Variants in KCNC4 observed in about 807,000 individuals in gnomAD.
KCNC4 encodes voltage-gated potassium channel KCNC4.
In KCNC4, 23 loss-of-function variants were observed where a neutral mutation model predicts 42.8. That is an observed-to-expected ratio of 0.54 (90% CI 0.39 to 0.76). KCNC4 has a LOEUF of 0.76. Among genes scored for constraint, KCNC4 ranks in the 30% least tolerant of loss-of-function variants. KCNC4 has a pLI of 0.00. For synonymous variants in KCNC4, 422 were observed against 393.5 expected (o/e 1.07, Z -0.86); for missense variants, 751 against 898.2 (o/e 0.84, Z 2.10).
chr1:110,274,429 C>T (rs1310703428), intron 1 of KCNC4, among the ~76,000 whole-genome samples: 1 of 152,096 alleles, frequency 6.6e-6, no homozygotes, highest in Admixed American at 6.5e-5. Flanking sequence ...TTAAAATGAC[C>T]ATACTGCCCA....
intron 1 of KCNC4, chr1:110,220,144 A>G (rs1658013543): frequency 6.6e-6 from 1 of 152,208 alleles, no homozygotes. Flanking sequence ...TCCTGAGCAA[A>G]TCATCTGCCC....
At chr1:110,229,783 G>A (rs1158641375) in intron 3 of KCNC4, among the ~76,000 whole-genome samples, 2 of 152,158 alleles carry the variant, frequency 1.3e-5, no homozygotes, top group Non-Finnish European at 2.9e-5. Flanking sequence ...TGCCGCTCCC[G>A]GGAAGGGGGC....
Position 110,233,024 on chromosome 1 carries a change from A to G in KCNC4, c.*52A>G. On this transcript the variant is annotated 3_prime_UTR_variant, in exon 4 of 4. Coordinates refer to ENST00000438661, the MANE Select transcript of KCNC4 (RefSeq NM_001039574.3). ...CAGACAGACAGAAAGCCAGAGGCTT[A>G]GGGAAACTCTGGAACCCAGACAAGA... 1 of 1,581,350 alleles carries G rather than the reference A, an allele frequency of 6.3e-7. No homozygotes were observed. The highest frequency in any genetic ancestry group is 8.6e-7 in the Non-Finnish European group (1 of 1,161,584).
intron 3 of KCNC4, among the ~76,000 whole-genome samples, chr1:110,227,664 C>T (rs567801201): frequency 6.6e-6 from 1 of 152,354 alleles, no homozygotes; most frequent in South Asian, 2.1e-4. Flanking sequence ...CTTGCTCTGG[C>T]TGGACCGTGC....
rs373625892 is a variant in KCNC4, at chr1:110,223,325, G to A, written c.1040G>A (p.Arg347His). 37 of 1,613,870 alleles carry A rather than the reference G, an allele frequency of 2.3e-5. No individual in the cohort carries two copies. Among genetic ancestry groups the A allele is most frequent in the Middle Eastern group, 1.6e-4 (1 of 6,084 alleles). Residue 347 changes from arginine to histidine, a missense_variant, in exon 2 of 4, where the codon CGC becomes CAC. By Grantham distance (29) the Arg-to-His change is conservative. Transcript: ENST00000438661. The surrounding 1 kb of genome is among the most constrained non-coding windows in gnomAD (Gnocchi z 7.5). Reference sequence around the variant, plus strand: ...GCCCGCGACGTGCTGGGCTTCCTGCGCGTGGTGCGCTTCGTGCGCATCCTG... The same window carrying A: ...GCCCGCGACGTGCTGGGCTTCCTGCACGTGGTGCGCTTCGTGCGCATCCTG... ...KAARDVLGFLRVVRFVRILRI... is the reference protein window; with the variant it reads ...KAARDVLGFLHVVRFVRILRI...
chr1:110,269,047 G>T (rs1473548461), intron 1 of KCNC4, among the ~76,000 whole-genome samples: 1 of 152,132 alleles, frequency 6.6e-6, no homozygotes, highest in Non-Finnish European at 1.5e-5. Context: ...TTTCTTTGCT[G>T]CAACAACCTG....
intron 1 of KCNC4, among the ~76,000 whole-genome samples, chr1:110,215,458 C>T (rs192916510): frequency 1.3e-5 from 2 of 152,312 alleles, no homozygotes; most frequent in African/African-American, 2.4e-5. Context: ...AGACAAGAGG[C>T]CTGGAGAATG....
intron 1 of KCNC4, among the ~76,000 whole-genome samples, chr1:110,280,584 C>A (rs1398250393): frequency 2.6e-5 from 4 of 152,074 alleles, no homozygotes; most frequent in African/African-American, 7.2e-5. Flanking sequence ...GCCCACAATC[C>A]CCTAATCTCC....
chr1:110,254,030 A>G (rs553551686), downstream of KCNC4, among the ~76,000 whole-genome samples: 281 of 149,254 alleles, frequency 1.9e-3, 1 homozygote, highest in African/African-American at 6.6e-3. Flanking sequence ...AGGAAGGGGA[A>G]GGAAAACCCT....
Position 110,211,511 on chromosome 1 carries a change from GGT to G in KCNC4, c.19_20del (p.Val7LeufsTer41), listed in dbSNP as rs781774815. On this transcript the variant is annotated frameshift_variant, in exon 1 of 4. Coordinates refer to ENST00000438661, the MANE Select transcript of KCNC4 (RefSeq NM_001039574.3). LOFTEE classifies it high-confidence loss of function. The surrounding 1 kb of genome is among the most constrained non-coding windows in gnomAD (Gnocchi z 6.5). Reference protein sequence around the residue: MISSVCVSSYRGRKS... With the variant: MISSXCVSSYRGRKS... ...CCGCAGCGCTTCTTATGATCAGCTC[GGT>G]GTGTGTCTCCTCCTACCGCGGGCGC... 1 of 1,613,676 alleles carries G rather than the reference GGT, an allele frequency of 6.2e-7. No individual in the cohort carries two copies. The highest frequency in any genetic ancestry group is 8.5e-7 in the Non-Finnish European group (1 of 1,179,836).
chr1:110,232,752 A>G, intron 3 of KCNC4, 159 bp from the exon 4 acceptor site: 5 of 1,534,348 alleles, frequency 3.3e-6, no homozygotes, highest in East Asian at 2.4e-5. Flanking sequence ...TCTACTCCTT[A>G]GCCCACACCC....
downstream of KCNC4, among the ~76,000 whole-genome samples, chr1:110,249,276 C>T (rs1400618295): frequency 6.6e-6 from 1 of 152,216 alleles, no homozygotes; most frequent in Admixed American, 6.5e-5. Context: ...TTCGGTCCTG[C>T]ATCCTGGCAG....
At chr1:110,276,299 C>CAA (rs3062031) in intron 1 of KCNC4, among the ~76,000 whole-genome samples, 129 of 98,860 alleles carry the variant, frequency 1.3e-3, no homozygotes, top group East Asian at 2.7e-3. Context: ...TCAATTTATA[C>CAA]AAAAAAAAAA....
rs886896697 is a variant in KCNC4, at chr1:110,212,108, G to T, written c.609G>T (p.Gly203=). Residue 203 remains glycine, a synonymous_variant, in exon 1 of 4, where the codon GGG becomes GGT. Coordinates refer to ENST00000438661, the MANE Select transcript of KCNC4 (RefSeq NM_001039574.3). ...GCGCGGGCCATGGCGCCGGGTCTGGGGGCTGCCGCGGCTGGCAGCCCCGCA... is the reference window on the plus strand; with the variant it reads ...GCGCGGGCCATGGCGCCGGGTCTGGTGGCTGCCGCGGCTGGCAGCCCCGCA... ...EGGAGHGAGS[G]GCRGWQPRMW... The T allele has an allele frequency of 6.6e-7, 1 of 1,505,332 alleles. No individual in the cohort carries two copies. The highest frequency in any genetic ancestry group is 2.6e-5 in the East Asian group (1 of 38,382). 93.2% of individuals were successfully genotyped at this position (1,505,332 alleles called of 1,614,324 possible). A position where few individuals can be genotyped will look rare whatever the true frequency, so the allele number is the denominator to read the frequency against.
At chr1:110,253,077 C>T (rs756711662), downstream of KCNC4, among the ~76,000 whole-genome samples, 6 of 152,186 alleles carry the variant, frequency 3.9e-5, no homozygotes, top group Non-Finnish European at 7.3e-5. Flanking sequence ...TTCCCCAGCC[C>T]CATCTTCTCA....
chr1:110,252,396 A>C (rs2209158), downstream of KCNC4, among the ~76,000 whole-genome samples: 65,414 of 151,990 alleles, frequency 0.43, 14,426 homozygotes, highest in African/African-American at 0.52. Context: ...TTGGGTTTCA[A>C]AGGATGAAAG....
intron 1 of KCNC4, among the ~76,000 whole-genome samples, chr1:110,216,852 G>A (rs927212180): frequency 6.6e-6 from 1 of 152,178 alleles, no homozygotes. Context: ...ATCTGGAAGT[G>A]GACCTGGCTC....
intron 1 of KCNC4, among the ~76,000 whole-genome samples, chr1:110,273,199 A>G (rs1398805141): frequency 1.3e-5 from 2 of 152,228 alleles, no homozygotes; most frequent in Admixed American, 6.5e-5. Flanking sequence ...TGTGGTCCCT[A>G]GAGAGAAAGT....
chr1:110,223,399 C>T lies in KCNC4; in HGVS notation c.1114C>T (p.His372Tyr). The change falls in exon 2 of 4, where the codon CAC becomes TAC. Residue 372 changes from histidine to tyrosine, a missense_variant. Physicochemically the swap from His to Tyr is moderately conservative, Grantham distance 83. Transcript: ENST00000438661. This position sits in a 1 kb window ranked among gnomAD's most constrained non-coding sequence, Gnocchi z 7.5. Reference sequence around the variant, plus strand: ...CTTCGTGGGGCTACGCGTGCTGGGCCACACCCTGAGGGCCAGCACCAATGA... The same window carrying T: ...CTTCGTGGGGCTACGCGTGCTGGGCTACACCCTGAGGGCCAGCACCAATGA... ...RHFVGLRVLG[H>Y]TLRASTNEFL... is the part of the protein sequence containing the mutation. 1 of 1,613,998 alleles carries T rather than the reference C, an allele frequency of 6.2e-7. No individual in the cohort carries two copies. Among genetic ancestry groups the T allele is most frequent in the Non-Finnish European group, 8.5e-7 (1 of 1,180,030 alleles).
Sources: gnomAD v4.1 joint callset for allele counts (sites outside exome capture counted in the v4.1 genomes callset) on GRCh38, gnomAD v4.1.1 for gene constraint, Gnocchi (gnomAD v3.1) non-coding constraint, MANE v1.5 for transcripts, NCBI Gene and HGNC (gene_info 2026-07-23, HGNC 2026-07-21) for gene names.